GABBR1: variants seen among roughly 807,000 people sequenced by gnomAD.
GABBR1 encodes gamma-aminobutyric acid type B receptor subunit 1, also known as GABA-B receptor, R1 subunit.
GABBR1 carries 35 observed loss-of-function variants against 117.7 expected under a neutral mutation model. The ratio of observed to expected loss-of-function variants is 0.30; its 90% CI spans 0.23 to 0.39. The LOEUF (loss-of-function observed/expected upper bound fraction) is 0.39, where lower values mean the gene tolerates loss of function less well. Ranked by LOEUF, GABBR1 falls within the 10% of genes least tolerant of loss-of-function variation. The pLI is 1.00. For synonymous variants in GABBR1, 442 were observed against 486.6 expected (o/e 0.91, Z 1.21); for missense variants, 709 against 1,241.8 (o/e 0.57, Z 6.45).
Position 29,623,759 on chromosome 6 carries a change from G to T in GABBR1, c.792+131C>A. On this transcript the variant is annotated intron_variant, in intron 7 of 22. Transcript: ENST00000377034. The surrounding 1 kb of genome is among the most constrained non-coding windows in gnomAD (Gnocchi z 6.2). ...CTAGGAGGCTGCCTAGCTCAGGTCT[G>T]CAGAGGACTCTGAATCTTAGTAGCA... 1 of 1,122,318 alleles carries T rather than the reference G, an allele frequency of 8.9e-7. No individual in the cohort carries two copies. 69.5% of individuals were successfully genotyped at this position (1,122,318 alleles called of 1,614,324 possible).
Position 29,632,008 on chromosome 6 carries a change from G to A in GABBR1, c.85+293C>T, listed in dbSNP as rs1166005738. Among the ~76,000 whole-genome samples, 1 of 152,118 alleles carries A rather than the reference G, an allele frequency of 6.6e-6. No individual in the cohort carries two copies. The highest frequency in any genetic ancestry group is 1.5e-5 in the Non-Finnish European group (1 of 68,028). The stretch of plus-strand genomic sequence containing the variant: ...CATCTGGACAGCAAAGTGGGACCAA[G>A]AAAAGGGAGTAATTGAGGTAGTAAT... On this transcript the variant is annotated intron_variant, in intron 2 of 22. Transcript: ENST00000377034. The surrounding 1 kb of genome is among the most constrained non-coding windows in gnomAD (Gnocchi z 5.8).
In GABBR1 at chr6:29,630,683, A is replaced by C. The variant is rs1469323158; in HGVS notation, c.290-40T>G. ...GAAAATAAGAAGAGAGGCGAGTTGAAGAAGGCTCTTTCCCTTTAAAGAGCA... is the reference window on the plus strand; with the variant it reads ...GAAAATAAGAAGAGAGGCGAGTTGACGAAGGCTCTTTCCCTTTAAAGAGCA... On this transcript the variant is annotated intron_variant, in intron 3 of 22. Coordinates refer to ENST00000377034, the MANE Select transcript of GABBR1 (RefSeq NM_001470.4). The surrounding 1 kb of genome is among the most constrained non-coding windows in gnomAD (Gnocchi z 4.9). 1.9e-6 allele frequency: 3 copies of C among 1,564,644 alleles called. No homozygotes were observed. Among genetic ancestry groups the C allele is most frequent in the Non-Finnish European group, 2.6e-6 (3 of 1,141,058 alleles).
Position 29,613,554 on chromosome 6 carries a change from A to G in GABBR1, c.1324-69T>C. On this transcript the variant is annotated intron_variant, in intron 11 of 22. Coordinates refer to ENST00000377034, the MANE Select transcript of GABBR1 (RefSeq NM_001470.4). This position sits in a 1 kb window ranked among gnomAD's most constrained non-coding sequence, Gnocchi z 4.1. ...GGTGTGGGGGAAGGGGTGCAATCCAATTCTGACTCAATCACTTCTACTTGA... is the reference window on the plus strand; with the variant it reads ...GGTGTGGGGGAAGGGGTGCAATCCAGTTCTGACTCAATCACTTCTACTTGA... 7 of 1,540,446 alleles carry G rather than the reference A, an allele frequency of 4.5e-6. No individual in the cohort carries two copies. The highest frequency in any genetic ancestry group is 1.8e-5 in the Admixed American group (1 of 55,976).
chr6:29,615,443 T>C (rs1762976227), intron 11 of GABBR1, among the ~76,000 whole-genome samples: 1 of 151,664 alleles, frequency 6.6e-6, no homozygotes, highest in African/African-American at 2.4e-5. Context: ...AACCCGTCTC[T>C]ACTAAAAATA....
chr6:29,608,483 G>T, intron 16 of GABBR1, 118 bp downstream of exon 16: 1 of 1,083,506 alleles, frequency 9.2e-7, no homozygotes. Context: ...GGAAAGAACA[G>T]GGACAAGAGT....
Position 29,610,917 on chromosome 6 carries a change from C to T in GABBR1, c.1708+7G>A, listed in dbSNP as rs1762476830. The T allele has an allele frequency of 6.2e-7, 1 of 1,610,598 alleles. No individual in the cohort carries two copies. ...GCTGAAGGAAAATACAAACAAGATC[C>T]ACTCACCAATCCATTTATCTGTTTT... On this transcript the variant is annotated splice_region_variant and intron_variant, in intron 14 of 22. Coordinates refer to ENST00000377034, the MANE Select transcript of GABBR1 (RefSeq NM_001470.4).
intron 11 of GABBR1, among the ~76,000 whole-genome samples, chr6:29,619,097 G>C (rs1763480816): frequency 2.0e-5 from 3 of 152,192 alleles, no homozygotes; most frequent in Admixed American, 6.5e-5. Flanking sequence ...AATTTCCAGG[G>C]GAAGGGCCTG....
Position 29,613,583 on chromosome 6 carries a change from G to A in GABBR1, c.1324-98C>T. The A allele has an allele frequency of 1.4e-6, 2 of 1,411,576 alleles. No individual in the cohort carries two copies. Among genetic ancestry groups the A allele is most frequent in the South Asian group, 1.3e-5 (1 of 76,272 alleles). 87.4% of individuals were successfully genotyped at this position (1,411,576 alleles called of 1,614,324 possible). On this transcript the variant is annotated intron_variant, in intron 11 of 22. Transcript: ENST00000377034. This position sits in a 1 kb window ranked among gnomAD's most constrained non-coding sequence, Gnocchi z 4.1. ...TGACTCAATCACTTCTACTTGAATG[G>A]ATGGTTTGTGTTACTGTTGTCAGAT...
At position 29,630,421 on chromosome 6, in the gene GABBR1, T is replaced by A. The variant is rs531662974; in HGVS notation, c.475+37A>T. On this transcript the variant is annotated intron_variant, in intron 4 of 22. Coordinates refer to ENST00000377034, the MANE Select transcript of GABBR1 (RefSeq NM_001470.4). This position sits in a 1 kb window ranked among gnomAD's most constrained non-coding sequence, Gnocchi z 4.9. Reference sequence around the variant, plus strand: ...CCCCACTCCCATCCTCACACAAGCGTCCTCATCAGCTGCATGCAGGCAGCT... The same window carrying A: ...CCCCACTCCCATCCTCACACAAGCGACCTCATCAGCTGCATGCAGGCAGCT... The A allele has an allele frequency of 5.1e-6, 8 of 1,577,082 alleles. No individual in the cohort carries two copies. In the South Asian group the frequency reaches 5.5e-5, roughly 11 times the overall value.
chr6:29,621,694 C>A lies in GABBR1; in HGVS notation c.1131+58G>T. ...GCACAGATGCCAAGAGGAGGCCCCA[C>A]AAGAAAACCAAGGGAAACTCCCACC... is the stretch of plus-strand genomic sequence containing the variant. On this transcript the variant is annotated intron_variant, in intron 10 of 22. Transcript: ENST00000377034. The surrounding 1 kb of genome is among the most constrained non-coding windows in gnomAD (Gnocchi z 5.0). 3 of 1,493,976 alleles carry A rather than the reference C, an allele frequency of 2.0e-6. No individual in the cohort carries two copies. The highest frequency in any genetic ancestry group is 2.8e-6 in the Non-Finnish European group (3 of 1,071,250). The allele number at this position is 1,493,976 out of a possible 1,614,324, so 92.5% of individuals were successfully genotyped here.
At chr6:29,616,232 T>C (rs993910419) in intron 11 of GABBR1, among the ~76,000 whole-genome samples, 29 of 149,522 alleles carry the variant, frequency 1.9e-4, no homozygotes, top group African/African-American at 6.7e-4. Flanking sequence ...TAGCTGGGTG[T>C]GATGGTGGGC....
Position 29,613,685 on chromosome 6 carries a change from G to C in GABBR1, c.1324-200C>G, listed in dbSNP as rs1303357202. Among the ~76,000 whole-genome samples, 1 of 152,208 alleles carries C rather than the reference G, an allele frequency of 6.6e-6. No individual in the cohort carries two copies. The highest frequency in any genetic ancestry group is 1.5e-5 in the Non-Finnish European group (1 of 68,038). On this transcript the variant is annotated intron_variant, in intron 11 of 22. Coordinates refer to ENST00000377034, the MANE Select transcript of GABBR1 (RefSeq NM_001470.4). This position sits in a 1 kb window ranked among gnomAD's most constrained non-coding sequence, Gnocchi z 4.1. ...ATCGGAAGCTACTAGACTAGAGTAG[G>C]TATTAGCTGTGTCTGATGGTGTTAG...
At chr6:29,617,966 G>T (rs72831507) in intron 11 of GABBR1, among the ~76,000 whole-genome samples, 8,366 of 152,212 alleles carry the variant, frequency 0.055, 336 homozygotes, top group South Asian at 0.14. Context: ...TTAGAGATAA[G>T]AAAACTGAGG....
At chr6:29,614,060 T>A (rs1243041466) in intron 11 of GABBR1, among the ~76,000 whole-genome samples, 2 of 152,222 alleles carry the variant, frequency 1.3e-5, no homozygotes, top group East Asian at 3.8e-4. Context: ...ACTACAGAAA[T>A]ACCCTTCACA....
intron 11 of GABBR1, among the ~76,000 whole-genome samples, chr6:29,616,918 C>T (rs1226284300): frequency 2.3e-5 from 3 of 132,618 alleles, no homozygotes; most frequent in Admixed American, 8.4e-5. Flanking sequence ...GAGGCCGAGG[C>T]GGGCGGATCA....
rs768569395 is a variant in GABBR1, at chr6:29,607,002, A to C, written c.2112T>G (p.Thr704=). 3 of 1,614,118 alleles carry C rather than the reference A, an allele frequency of 1.9e-6. No homozygotes were observed. The highest frequency in any genetic ancestry group is 1.7e-6 in the Non-Finnish European group (2 of 1,179,922). The part of the protein sequence containing the change: ...KKEEKKEWRK[T]LEPWKLYATV... ...TGGCATACAGCTTCCAGGGTTCCAG[A>C]GTCTGGATAAATATGTGGGGAGAAC... Residue 704 remains threonine, a splice_region_variant and synonymous_variant, in exon 18 of 23, where the codon ACT becomes ACG. Transcript: ENST00000377034. The surrounding 1 kb of genome is among the most constrained non-coding windows in gnomAD (Gnocchi z 5.0).
intron 11 of GABBR1, among the ~76,000 whole-genome samples, chr6:29,618,266 G>GGGGTCCCCTGC (rs1192867446): frequency 3.3e-5 from 5 of 152,192 alleles, no homozygotes; most frequent in African/African-American, 1.2e-4. Flanking sequence ...TGCTCAGGTG[G>GGGGTCCCCTGC]TCAGACCCTG....
intron 6 of GABBR1, among the ~76,000 whole-genome samples, chr6:29,626,673 T>C (rs1307260150): frequency 3.9e-5 from 6 of 152,056 alleles, no homozygotes; most frequent in Admixed American, 3.9e-4. Flanking sequence ...CCAAGTTCCA[T>C]AAGGTGCCCC....
rs1306370727 is a variant in GABBR1 at position 29,605,014 on chromosome 6, G to A, written c.2440-26C>T. 2 of 1,591,906 alleles carry A rather than the reference G, an allele frequency of 1.3e-6. No homozygotes were observed. Among genetic ancestry groups the A allele is most frequent in the African/African-American group, 1.3e-5 (1 of 74,170 alleles). On this transcript the variant is annotated intron_variant, in intron 20 of 22. Coordinates refer to ENST00000377034, the MANE Select transcript of GABBR1 (RefSeq NM_001470.4). This position sits in a 1 kb window ranked among gnomAD's most constrained non-coding sequence, Gnocchi z 4.2. ...CTAGAGGGAAAGACACATTGAGGGAGTCTCAGGTCTGCAGGCTCAGACAAG... is the reference window on the plus strand; with the variant it reads ...CTAGAGGGAAAGACACATTGAGGGAATCTCAGGTCTGCAGGCTCAGACAAG...
Sources: gnomAD v4.1 joint callset for allele counts (sites outside exome capture counted in the v4.1 genomes callset) on GRCh38, gnomAD v4.1.1 for gene constraint, Gnocchi (gnomAD v3.1) non-coding constraint, MANE v1.5 for transcripts, NCBI Gene and HGNC (gene_info 2026-07-23, HGNC 2026-07-21) for gene names.